HPCAL1: variants seen among roughly 807,000 people sequenced by gnomAD.
HPCAL1 encodes the protein hippocalcin-like protein 1.
In HPCAL1, 8 loss-of-function variants were observed where a neutral mutation model predicts 17.1. That is an observed-to-expected ratio of 0.47 (90% CI 0.27 to 0.84). The LOEUF (loss-of-function observed/expected upper bound fraction) is 0.84, where lower values mean the gene tolerates loss of function less well. Ranked by LOEUF, HPCAL1 falls within the 40% of genes least tolerant of loss-of-function variation. The probability of loss-of-function intolerance (pLI) is 0.13; values close to 1 mark genes in which losing one functional copy is unlikely to be tolerated. For missense variants in HPCAL1, 165 were observed against 271.1 expected (o/e 0.61, Z 2.75); for synonymous variants, 112 against 111.4 (o/e 1.01, Z -0.03).
intron 1 of HPCAL1, among the ~76,000 whole-genome samples, chr2:10,335,772 C>G (rs149602181): frequency 3.9e-4 from 59 of 152,326 alleles, no homozygotes; most frequent in African/African-American, 1.4e-3. Context: ...CCTCATACCT[C>G]TCCGGCACTT....
At chr2:10,364,363 T>TC (rs1224686140) in intron 1 of HPCAL1, among the ~76,000 whole-genome samples, 21 of 151,980 alleles carry the variant, frequency 1.4e-4, no homozygotes, top group African/African-American at 4.8e-4. Flanking sequence ...CCCTACTCTT[T>TC]CCCCCACCCT....
chr2:10,373,842 G>T (rs148321623), intron 1 of HPCAL1, among the ~76,000 whole-genome samples: 1 of 152,314 alleles, frequency 6.6e-6, no homozygotes, highest in East Asian at 1.9e-4. Context: ...TAGCCCCAAG[G>T]ATCTTACCAA....
chr2:10,384,280 GC>G lies in HPCAL1; in HGVS notation c.-110-12553del, dbSNP rs1368188249. ...CCCCTCACTAGGAGTGGATGGGGCT[GC>G]CAGTGGTGTTCTTGCAAAATACCCC... On this transcript the variant is annotated intron_variant, in intron 1 of 4. Coordinates refer to ENST00000307845, the MANE Select transcript of HPCAL1 (RefSeq NM_002149.4). This position sits in a 1 kb window ranked among gnomAD's most constrained non-coding sequence, Gnocchi z 4.4. Among the ~76,000 whole-genome samples the G allele has an allele frequency of 6.6e-6, 1 of 152,176 alleles. No homozygotes were observed. Among genetic ancestry groups the G allele is most frequent in the Non-Finnish European group, 1.5e-5 (1 of 68,018 alleles).
intron 1 of HPCAL1, among the ~76,000 whole-genome samples, chr2:10,312,787 CATT>C (rs1329215948): frequency 1.3e-5 from 2 of 152,182 alleles, no homozygotes; most frequent in South Asian, 2.1e-4. Context: ...TCATTATCAT[CATT>C]GTCACCATCG....
At chr2:10,319,973 G>C (rs1055619625) in intron 1 of HPCAL1, among the ~76,000 whole-genome samples, 31 of 152,008 alleles carry the variant, frequency 2.0e-4, no homozygotes, top group African/African-American at 6.3e-4. Context: ...GCAGTCATTT[G>C]AGGAGAGGAG....
rs796326248 is a variant in HPCAL1, at chr2:10,377,624, G to A, written c.-110-19211G>A. On this transcript the variant is annotated intron_variant, in intron 1 of 4. Transcript: ENST00000307845. This position sits in a 1 kb window ranked among gnomAD's most constrained non-coding sequence, Gnocchi z 5.9. ...CAGCCCCCTCCTCCCCCTGGCTCCC[G>A]TGTCCTGCCCACCTCCCCACACTGG... 5.3e-5 allele frequency among the ~76,000 whole-genome samples: 8 copies of A among 149,834 alleles called. 1 individual carries two copies. The South Asian group carries it at 1.3e-3, about 24-fold the overall frequency.
In HPCAL1 at chr2:10,342,176, A is replaced by G. The variant is rs1451942122; in HGVS notation, c.-111+38999A>G. On this transcript the variant is annotated intron_variant, in intron 1 of 4. Transcript: ENST00000307845. This position sits in a 1 kb window ranked among gnomAD's most constrained non-coding sequence, Gnocchi z 4.1. ...AGAGTGGACCTTGTCTGTAAAAATAATAATAATAATAATAAAGCTTTGCTC... is the reference window on the plus strand; with the variant it reads ...AGAGTGGACCTTGTCTGTAAAAATAGTAATAATAATAATAAAGCTTTGCTC... 6.6e-6 allele frequency among the ~76,000 whole-genome samples: 1 copy of G among 152,072 alleles called. No individual in the cohort carries two copies. The highest frequency in any genetic ancestry group is 2.4e-5 in the African/African-American group (1 of 41,406).
intron 2 of HPCAL1, among the ~76,000 whole-genome samples, chr2:10,411,326 C>T (rs928750508): frequency 2.6e-5 from 4 of 152,132 alleles, no homozygotes; most frequent in African/African-American, 9.7e-5. Context: ...CCACAGCCCA[C>T]CACCCCACCG....
intron 1 of HPCAL1, among the ~76,000 whole-genome samples, chr2:10,336,841 C>T (rs957845193): frequency 1.3e-4 from 20 of 152,334 alleles, no homozygotes; most frequent in Admixed American, 9.8e-4. Context: ...GAATCATGGG[C>T]ACAAGTGGTC....
chr2:10,309,369 C>A (rs1039056273), intron 1 of HPCAL1, among the ~76,000 whole-genome samples: 1 of 152,144 alleles, frequency 6.6e-6, no homozygotes, highest in African/African-American at 2.4e-5. Context: ...ACTGAGGAGG[C>A]CCAGAGCAAA....
At chr2:10,423,529 C>T (rs1671201644) in intron 4 of HPCAL1, 1 of 181,242 alleles carries the variant, frequency 5.5e-6, no homozygotes, top group South Asian at 1.1e-4. Flanking sequence ...CCCCAGTGTC[C>T]AAGGGGAACT....
chr2:10,310,868 ATTTAACAGACG>A lies in HPCAL1; in HGVS notation c.-111+7695_-111+7705del, dbSNP rs1662913342. ...TCAGCTCTCTGCCTTCTTTCTGTGC[ATTTAACAGACG>A]TTTCCAGAAAGCAGAATTGATGACA... On this transcript the variant is annotated intron_variant, in intron 1 of 4. Coordinates refer to ENST00000307845, the MANE Select transcript of HPCAL1 (RefSeq NM_002149.4). This position sits in a 1 kb window ranked among gnomAD's most constrained non-coding sequence, Gnocchi z 4.5. 6.6e-6 allele frequency among the ~76,000 whole-genome samples: 1 copy of A among 152,112 alleles called. No homozygotes were observed. Among genetic ancestry groups the A allele is most frequent in the Non-Finnish European group, 1.5e-5 (1 of 68,014 alleles).
At chr2:10,327,984 G>A (rs961367894) in intron 1 of HPCAL1, among the ~76,000 whole-genome samples, 7 of 152,228 alleles carry the variant, frequency 4.6e-5, no homozygotes, top group African/African-American at 1.7e-4. Flanking sequence ...AAGTGTAAAA[G>A]ACTTAAGTTG....
chr2:10,425,055 A>G lies in HPCAL1; in HGVS notation c.485-1669A>G, dbSNP rs115138420. 2.3e-3 allele frequency: 408 copies of G among 180,832 alleles called. 3 individuals carry two copies. The highest frequency in any genetic ancestry group is 9.2e-3 in the African/African-American group (393 of 42,816). The allele number at this position is 180,832 out of a possible 1,614,324, so 11.2% of individuals were successfully genotyped here. A position where few individuals can be genotyped will look rare whatever the true frequency, so the allele number is the denominator to read the frequency against. On this transcript the variant is annotated intron_variant, in intron 4 of 4. Transcript: ENST00000307845. ...AGTGGAACCTTCGGAAGCTCCCAGC[A>G]TCTCAGCAGCCCTCAGAGTCGTCCT...
At chr2:10,424,386 C>T in intron 4 of HPCAL1, 3 of 418,616 alleles carry the variant, frequency 7.2e-6, no homozygotes, top group South Asian at 5.2e-5. Context: ...CCTGCTGCCG[C>T]TCTCCTGAGG....
At chr2:10,311,864 C>T (rs1662982592) in intron 1 of HPCAL1, among the ~76,000 whole-genome samples, 1 of 151,934 alleles carries the variant, frequency 6.6e-6, no homozygotes, top group Admixed American at 6.6e-5. Context: ...CTATCATCCC[C>T]ATCCCCATCA....
chr2:10,388,712 T>G (rs1272276069), intron 1 of HPCAL1, among the ~76,000 whole-genome samples: 1 of 152,174 alleles, frequency 6.6e-6, no homozygotes, highest in East Asian at 1.9e-4. Flanking sequence ...CAAGTCCCAC[T>G]CCCTGCCGAC....
chr2:10,388,936 A>G (rs1668508469), intron 1 of HPCAL1, among the ~76,000 whole-genome samples: 1 of 152,076 alleles, frequency 6.6e-6, no homozygotes, highest in African/African-American at 2.4e-5. Context: ...TAGTGCCCTT[A>G]TAGGAAGAGG....
intron 2 of HPCAL1, among the ~76,000 whole-genome samples, chr2:10,407,074 A>G (rs116459744): frequency 0.047 from 7,107 of 152,192 alleles, 228 homozygotes; most frequent in Middle Eastern, 0.12. Context: ...GAGTAGCAGG[A>G]AGTCCCCCAT....
Sources: gnomAD v4.1 joint callset for allele counts (sites outside exome capture counted in the v4.1 genomes callset) on GRCh38, gnomAD v4.1.1 for gene constraint, Gnocchi (gnomAD v3.1) non-coding constraint, MANE v1.5 for transcripts, NCBI Gene and HGNC (gene_info 2026-07-23, HGNC 2026-07-21) for gene names.